ANGPT2: variants seen among roughly 807,000 people sequenced by gnomAD.
The protein encoded by ANGPT2 is angiopoietin 2, also known as angiopoietin-2.
Under a neutral mutation model 62.9 loss-of-function variants are expected in ANGPT2, and 28 were observed. The observed-to-expected ratio is 0.44, with a 90% CI of 0.33 to 0.61. ANGPT2 has a LOEUF of 0.61. Among genes scored for constraint, ANGPT2 ranks in the 20% least tolerant of loss-of-function variants. The probability of loss-of-function intolerance (pLI) is 0.03; values close to 1 mark genes in which losing one functional copy is unlikely to be tolerated. For synonymous variants in ANGPT2, 284 were observed against 207.8 expected, an observed-to-expected ratio of 1.37 and a Z score of -3.15; for missense variants, 727 against 594.9, an observed-to-expected ratio of 1.22 and a Z score of -2.31.
chr8:6,559,441 TA>T (rs1196309163), intron 1 of ANGPT2, among the ~76,000 whole-genome samples: 1 of 152,168 alleles, frequency 6.6e-6, no homozygotes, highest in Non-Finnish European at 1.5e-5. Context: ...TTATTACTTT[TA>T]AAGAAAGAAA....
chr8:6,512,252 T>G (rs1209986889), intron 7 of ANGPT2, among the ~76,000 whole-genome samples: 1 of 152,206 alleles, frequency 6.6e-6, no homozygotes, highest in Non-Finnish European at 1.5e-5. Flanking sequence ...AGTTTTCAGT[T>G]GGTTGTTCAG....
intron 1 of ANGPT2, among the ~76,000 whole-genome samples, chr8:6,551,947 C>T (rs1823723298): frequency 6.6e-6 from 1 of 152,172 alleles, no homozygotes; most frequent in African/African-American, 2.4e-5. Context: ...ACTACGCAGT[C>T]TAATAAAACT....
intron 5 of ANGPT2, among the ~76,000 whole-genome samples, chr8:6,517,759 A>C (rs907559070): frequency 6.6e-6 from 1 of 152,230 alleles, no homozygotes; most frequent in East Asian, 1.9e-4. Flanking sequence ...CAGAAAGGTT[A>C]AATGACTCGC....
chr8:6,548,506 A>T (rs1022143663), intron 1 of ANGPT2, among the ~76,000 whole-genome samples: 6 of 152,154 alleles, frequency 3.9e-5, no homozygotes, highest in African/African-American at 1.2e-4. Flanking sequence ...ATTGCAGCTT[A>T]CTTGCATTTC....
intron 4 of ANGPT2, 146 bp downstream of exon 4, chr8:6,521,032 T>A (rs948500760): frequency 7.5e-5 from 47 of 627,788 alleles, no homozygotes; most frequent in Admixed American, 2.8e-4. Flanking sequence ...CCCCTTCTCT[T>A]CTTCCTTCAT....
chr8:6,527,817 A>G (rs1467181084), intron 2 of ANGPT2, 141 bp from the exon 3 acceptor site: 3 of 830,824 alleles, frequency 3.6e-6, no homozygotes, highest in Non-Finnish European at 5.3e-6. Flanking sequence ...ATTTTGGCAT[A>G]TTTTTCATTT....
intron 1 of ANGPT2, among the ~76,000 whole-genome samples, chr8:6,544,547 G>C (rs954060269): frequency 6.6e-6 from 1 of 152,162 alleles, no homozygotes; most frequent in Admixed American, 6.5e-5. Flanking sequence ...TTCGGAGAGA[G>C]TTTGTCGAAG....
At chr8:6,508,782 A>G (rs1041405735) in intron 8 of ANGPT2, 150 bp downstream of exon 8, 1 of 1,154,462 alleles carries the variant, frequency 8.7e-7, no homozygotes, top group Non-Finnish European at 1.3e-6. Flanking sequence ...AAAAAGTGAA[A>G]AACACATTTA....
At chr8:6,549,790 G>A (rs1261329894) in intron 1 of ANGPT2, among the ~76,000 whole-genome samples, 1 of 151,976 alleles carries the variant, frequency 6.6e-6, no homozygotes, top group Admixed American at 6.6e-5. Flanking sequence ...TGAGCTGGGT[G>A]GTCATTGCAC....
chr8:6,513,672 A>C lies in ANGPT2; in HGVS notation c.1196+6T>G. The C allele has an allele frequency of 6.2e-7, 1 of 1,604,168 alleles. No homozygotes were observed. The highest frequency in any genetic ancestry group is 8.5e-7 in the Non-Finnish European group (1 of 1,176,252). ...TTTTTCTTTCAATTACCATGAACTC[A>C]CTTACCTATAATTGAGTTCTTCACT... On this transcript the variant is annotated splice_donor_region_variant and intron_variant, in intron 7 of 8. Coordinates refer to ENST00000629816, the MANE Select transcript of ANGPT2 (RefSeq NM_001118887.2).
At chr8:6,505,239 A>AACATAT in intron 8 of ANGPT2, among the ~76,000 whole-genome samples, 1 of 60,874 alleles carries the variant, frequency 1.6e-5, no homozygotes, top group East Asian at 3.7e-4. Flanking sequence ...GTATATATAG[A>AACATAT]ATATATATTC....
At position 6,500,117 on chromosome 8, in the gene ANGPT2, AT is replaced by A. The variant is rs1334171618; in HGVS notation, c.*2983del. The stretch of plus-strand genomic sequence containing the variant: ...AGAACAAATGTGAGAACGTGAGACC[AT>A]TGTGCAAAAAGTAGTGAGGAATGCA... On this transcript the variant is annotated 3_prime_UTR_variant, in exon 9 of 9. Transcript: ENST00000629816. The A allele has an allele frequency of 8.2e-6, 5 of 606,194 alleles. No homozygotes were observed. The highest frequency in any genetic ancestry group is 5.2e-5 in the Admixed American group (2 of 38,792). 37.6% of individuals were successfully genotyped at this position (606,194 alleles called of 1,614,324 possible).
intron 8 of ANGPT2, among the ~76,000 whole-genome samples, chr8:6,505,263 T>TATATATGTATACATATATATGTTATATAC (rs1563305323): frequency 1.3e-5 from 1 of 78,028 alleles, no homozygotes; most frequent in Admixed American, 1.4e-4. Flanking sequence ...ATATATGTTT[T>TATATATGTATACATATATATGTTATATAC]ATATATATGT....
At position 6,547,780 on chromosome 8, in the gene ANGPT2, C is replaced by T. The variant is rs973145460; in HGVS notation, c.288+14867G>A. 2.0e-5 allele frequency among the ~76,000 whole-genome samples: 3 copies of T among 152,218 alleles called. No homozygotes were observed. In the South Asian group the frequency reaches 6.2e-4, roughly 32 times the overall value. ...CTCGGTGGGAACAAAAGCTCCCATG[C>T]CGGTGGGAATGCGGGGCCAGGGGAG... On this transcript the variant is annotated intron_variant, in intron 1 of 8. Transcript: ENST00000629816.
intron 1 of ANGPT2, among the ~76,000 whole-genome samples, chr8:6,553,747 A>G (rs1183588384): frequency 6.6e-6 from 1 of 151,932 alleles, no homozygotes; most frequent in African/African-American, 2.4e-5. Context: ...GCAGAGGGGA[A>G]ATGGCAGTTT....
At chr8:6,521,054 G>C in intron 4 of ANGPT2, 124 bp downstream of exon 4, 1 of 667,730 alleles carries the variant, frequency 1.5e-6, no homozygotes, top group East Asian at 2.7e-5. Context: ...TTAATTGGTA[G>C]ATATTTCATA....
intron 7 of ANGPT2, among the ~76,000 whole-genome samples, chr8:6,510,339 A>G (rs1233310302): frequency 1.3e-5 from 2 of 152,182 alleles, no homozygotes; most frequent in East Asian, 3.8e-4. Flanking sequence ...CGAGGAGCCT[A>G]CAAAGCAAAT....
intron 1 of ANGPT2, among the ~76,000 whole-genome samples, chr8:6,557,507 A>C (rs1177511216): frequency 6.6e-6 from 1 of 152,126 alleles, no homozygotes; most frequent in African/African-American, 2.4e-5. Flanking sequence ...GAAAATTCTC[A>C]TTGTTAGGTT....
chr8:6,522,661 C>T (rs1164738980), intron 3 of ANGPT2, among the ~76,000 whole-genome samples: 1 of 151,544 alleles, frequency 6.6e-6, no homozygotes, highest in Non-Finnish European at 1.5e-5. Context: ...GTAATCCCAG[C>T]TACTCAGGAG....
Sources: allele counts gnomAD v4.1 joint callset (sites outside exome capture counted in the v4.1 genomes callset), GRCh38; gene constraint gnomAD v4.1.1; transcripts MANE v1.5; gene names NCBI Gene and HGNC (gene_info 2026-07-23, HGNC 2026-07-21).